Variants in IGFBP7 observed in about 807,000 individuals in gnomAD.
The protein encoded by IGFBP7 is insulin-like growth factor-binding protein 7.
IGFBP7 carries 31 observed loss-of-function variants against 29.4 expected under a neutral mutation model. The observed-to-expected ratio is 1.05, with a 90% CI of 0.79 to 1.42. The LOEUF (loss-of-function observed/expected upper bound fraction) is 1.42, where lower values mean the gene tolerates loss of function less well. Among genes scored for constraint, IGFBP7 ranks in the 40% most tolerant of loss-of-function variants. IGFBP7 has a pLI of 0.00. For missense variants in IGFBP7, 393 were observed against 395.5 expected (o/e 0.99, Z 0.05); for synonymous variants, 172 against 174.9 (o/e 0.98, Z 0.13).
At chr4:57,090,109 T>G (rs1232654535) in intron 1 of IGFBP7, among the ~76,000 whole-genome samples, 1 of 152,212 alleles carries the variant, frequency 6.6e-6, no homozygotes, top group Non-Finnish European at 1.5e-5. Flanking sequence ...AGTTTTCTAT[T>G]ACTTGCAGCT....
At chr4:57,057,508 A>T (rs1034328224) in intron 1 of IGFBP7, among the ~76,000 whole-genome samples, 1 of 152,240 alleles carries the variant, frequency 6.6e-6, no homozygotes, top group Admixed American at 6.5e-5. Context: ...TCCTCATAAA[A>T]CAGGGGATTT....
At chr4:57,085,516 G>T (rs530281098) in intron 1 of IGFBP7, among the ~76,000 whole-genome samples, 2 of 152,168 alleles carry the variant, frequency 1.3e-5, no homozygotes, top group Non-Finnish European at 2.9e-5. Context: ...TCTAATTTTG[G>T]CTTGTTACTC....
chr4:57,047,123 C>T (rs964165762), intron 1 of IGFBP7, among the ~76,000 whole-genome samples: 1 of 152,196 alleles, frequency 6.6e-6, no homozygotes, highest in Non-Finnish European at 1.5e-5. Flanking sequence ...CAAATTGTAG[C>T]TCCCATAATT....
At chr4:57,089,593 A>G (rs1725586072) in intron 1 of IGFBP7, among the ~76,000 whole-genome samples, 1 of 152,216 alleles carries the variant, frequency 6.6e-6, no homozygotes, top group Non-Finnish European at 1.5e-5. Context: ...CTAAAACACT[A>G]AGCTTCTAGT....
rs116206218 is a variant in IGFBP7, at chr4:57,081,574, C to A, written c.475+28303G>T. 3.0e-3 allele frequency among the ~76,000 whole-genome samples: 455 copies of A among 152,134 alleles called. 3 individuals carry two copies. Among genetic ancestry groups the A allele is most frequent in the African/African-American group, 9.9e-3 (411 of 41,496 alleles). ...TATCAGGGCAGGGGGAATGTCGGGC[C>A]TTGTGCAGAAATCATTTGGTGCGGG... On this transcript the variant is annotated intron_variant, in intron 1 of 4. Transcript: ENST00000295666.
intron 1 of IGFBP7, among the ~76,000 whole-genome samples, chr4:57,073,421 C>G (rs376285292): frequency 2.0e-5 from 3 of 151,512 alleles, no homozygotes; most frequent in South Asian, 2.1e-4. Flanking sequence ...ATAGCAAAAC[C>G]CTGTCTCCAT....
At chr4:57,044,954 C>T in intron 1 of IGFBP7, among the ~76,000 whole-genome samples, 1 of 152,156 alleles carries the variant, frequency 6.6e-6, no homozygotes, top group Middle Eastern at 3.2e-3. Context: ...AAGTAATCCT[C>T]TTACTTCAGC....
At chr4:57,105,417 A>G (rs1395283235) in intron 1 of IGFBP7, among the ~76,000 whole-genome samples, 1 of 152,222 alleles carries the variant, frequency 6.6e-6, no homozygotes, top group Non-Finnish European at 1.5e-5. Flanking sequence ...ACTACATACC[A>G]TGCACTTATC....
At chr4:57,061,113 A>G (rs1426055186) in intron 1 of IGFBP7, among the ~76,000 whole-genome samples, 1 of 152,082 alleles carries the variant, frequency 6.6e-6, no homozygotes, top group Non-Finnish European at 1.5e-5. Flanking sequence ...GAAAGAGGAA[A>G]TGGGCTTTCA....
intron 1 of IGFBP7, among the ~76,000 whole-genome samples, chr4:57,092,025 A>G (rs1383726739): frequency 2.6e-5 from 4 of 152,234 alleles, no homozygotes; most frequent in African/African-American, 4.8e-5. Context: ...CTGAGATTCA[A>G]CCTGGAGGTA....
At chr4:57,032,595 C>A in intron 3 of IGFBP7, 43 bp from the exon 4 acceptor site, 1 of 1,494,778 alleles carries the variant, frequency 6.7e-7, no homozygotes, top group Non-Finnish European at 9.3e-7. Flanking sequence ...TGGTGGTCTT[C>A]TCTTTTGTCA....
intron 1 of IGFBP7, among the ~76,000 whole-genome samples, chr4:57,090,924 C>T (rs1165417316): frequency 6.6e-6 from 1 of 152,160 alleles, no homozygotes; most frequent in Non-Finnish European, 1.5e-5. Context: ...ACATTTTTCA[C>T]AGAAAATGAA....
At chr4:57,070,241 T>C (rs907329024) in intron 1 of IGFBP7, among the ~76,000 whole-genome samples, 6 of 152,214 alleles carry the variant, frequency 3.9e-5, no homozygotes, top group African/African-American at 1.2e-4. Flanking sequence ...ACTGGAAAAA[T>C]TCATTGTATA....
At chr4:57,069,063 G>C (rs925785750) in intron 1 of IGFBP7, among the ~76,000 whole-genome samples, 3 of 152,076 alleles carry the variant, frequency 2.0e-5, no homozygotes, top group African/African-American at 7.2e-5. Flanking sequence ...TCTTATGTGG[G>C]TGGTTGAATC....
chr4:57,073,467 T>A (rs981277337), intron 1 of IGFBP7, among the ~76,000 whole-genome samples: 2 of 151,852 alleles, frequency 1.3e-5, no homozygotes, highest in African/African-American at 4.8e-5. Flanking sequence ...TGGTGGTGTG[T>A]GCCTGTAGTT....
chr4:57,033,304 CT>C lies in IGFBP7; in HGVS notation c.592del (p.Arg198GlyfsTer32). 6.2e-7 allele frequency: 1 copy of C among 1,611,414 alleles called. No homozygotes were observed. Among genetic ancestry groups the C allele is most frequent in the Non-Finnish European group, 8.5e-7 (1 of 1,177,606 alleles). ...TPVLIWNKVK[R>X]GHYGVQRTEL... ...TGTCCTTTGAACTCCATAGTGACCC[CT>C]TTTTACCTGCAAAAACAAAAGGAGA... is the stretch of plus-strand genomic sequence containing the variant. On this transcript the variant is annotated frameshift_variant, in exon 3 of 5. Transcript: ENST00000295666. LOFTEE classifies it high-confidence loss of function.
At position 57,030,973 on chromosome 4, in the gene IGFBP7, A is replaced by G; in HGVS notation, c.*344T>C. 1 of 1,587,706 alleles carries G rather than the reference A, an allele frequency of 6.3e-7. No homozygotes were observed. The highest frequency in any genetic ancestry group is 1.1e-5 in the South Asian group (1 of 90,560). Reference sequence around the variant, plus strand: ...TTATGTCTATGAGTATTGCACCGCGAATGATGAGTGTTTAGCTATTTTACA... The same window carrying G: ...TTATGTCTATGAGTATTGCACCGCGGATGATGAGTGTTTAGCTATTTTACA... On this transcript the variant is annotated 3_prime_UTR_variant, in exon 5 of 5. Coordinates refer to ENST00000295666, the MANE Select transcript of IGFBP7 (RefSeq NM_001553.3).
intron 1 of IGFBP7, among the ~76,000 whole-genome samples, chr4:57,063,603 A>T (rs2109767944): frequency 6.6e-6 from 1 of 152,370 alleles, no homozygotes; most frequent in Non-Finnish European, 1.5e-5. Context: ...GGACTATGCT[A>T]GACATAGCTA....
chr4:57,043,136 G>A (rs1156582711), intron 1 of IGFBP7, among the ~76,000 whole-genome samples: 2 of 152,152 alleles, frequency 1.3e-5, no homozygotes, highest in African/African-American at 4.8e-5. Flanking sequence ...TGTCACTTCT[G>A]CTAATTCTGA....
Sources: allele counts gnomAD v4.1 joint callset (sites outside exome capture counted in the v4.1 genomes callset), GRCh38; gene constraint gnomAD v4.1.1; transcripts MANE v1.5; gene names NCBI Gene and HGNC (gene_info 2026-07-23, HGNC 2026-07-21).